The following KIAA1217 variants were observed in gnomAD, a reference collection of about 807,000 sequenced individuals.
KIAA1217 encodes KIAA1217.
In KIAA1217, 88 loss-of-function variants were observed where a neutral mutation model predicts 163.9. That is an observed-to-expected ratio of 0.54 (90% CI 0.45 to 0.64). The LOEUF is 0.64. Among genes scored for constraint, KIAA1217 ranks in the 30% least tolerant of loss-of-function variants. KIAA1217 has a pLI of 0.00. For missense variants in KIAA1217, 2,372 were observed against 2,475.0 expected (o/e 0.96, Z 0.88); for synonymous variants, 903 against 923.1 (o/e 0.98, Z 0.39).
intron 6 of KIAA1217, among the ~76,000 whole-genome samples, chr10:24,477,284 A>G (rs1179287829): frequency 6.6e-6 from 1 of 152,240 alleles, no homozygotes; most frequent in Non-Finnish European, 1.5e-5. Flanking sequence ...TATACATTAT[A>G]TGATGTAATC....
intron 17 of KIAA1217, among the ~76,000 whole-genome samples, chr10:24,537,815 A>G (rs1245529019): frequency 6.6e-6 from 1 of 152,174 alleles, no homozygotes; most frequent in African/African-American, 2.4e-5. Context: ...CAAAAAAAGA[A>G]TCCAGGCTCT....
chr10:24,159,846 A>G (rs551038263), intron 2 of KIAA1217, among the ~76,000 whole-genome samples: 4 of 152,324 alleles, frequency 2.6e-5, no homozygotes, highest in Admixed American at 6.5e-5. Flanking sequence ...TACAGTGTCT[A>G]TGATACATAT....
At chr10:24,265,796 TTAAAA>T (rs761761716) in intron 2 of KIAA1217, among the ~76,000 whole-genome samples, 13 of 152,062 alleles carry the variant, frequency 8.5e-5, no homozygotes, top group Non-Finnish European at 1.5e-4. Flanking sequence ...GAATAAAACA[TTAAAA>T]TAAATAGTTA....
rs553323991 is a variant in KIAA1217, at chr10:23,925,695, G to A, written c.-320-81530G>A. On this transcript the variant is annotated intron_variant, in intron 1 of 18. Transcript: ENST00000376462. ...TGAGGTGCTGCCCTTCTGTGATCAT[G>A]GAGGGAAGAAGTGGAACACGCCCTA... Among the ~76,000 whole-genome samples the A allele has an allele frequency of 7.2e-5, 11 of 152,280 alleles. No individual in the cohort carries two copies. The South Asian group carries it at 1.7e-3, about 23-fold the overall frequency.
At chr10:24,338,140 C>T (rs1285720484) in intron 2 of KIAA1217, among the ~76,000 whole-genome samples, 2 of 152,132 alleles carry the variant, frequency 1.3e-5, no homozygotes, top group Admixed American at 6.5e-5. Context: ...TTTTTGTCAC[C>T]AGAAGTTCTG....
In KIAA1217 at chr10:23,913,030, T is replaced by C. The variant is rs142101878; in HGVS notation, c.-320-94195T>C. On this transcript the variant is annotated intron_variant, in intron 1 of 18. Transcript: ENST00000376462. ...TCTATGTAGCACCCAACACAGCATC[T>C]CTAGCAGGAGGAAAACCATGTTATT... is the stretch of plus-strand genomic sequence containing the variant. Among the ~76,000 whole-genome samples, 924 of 152,296 alleles carry C rather than the reference T, an allele frequency of 6.1e-3. 12 individuals carry two copies. The highest frequency in any genetic ancestry group is 0.02 in the African/African-American group (847 of 41,558).
chr10:23,709,104 G>A (rs928210405), intron 1 of KIAA1217, among the ~76,000 whole-genome samples: 1 of 152,180 alleles, frequency 6.6e-6, no homozygotes, highest in Non-Finnish European at 1.5e-5. Flanking sequence ...CTGTTGCGGT[G>A]TTCATGGCTT....
At chr10:24,370,780 C>T (rs1295584508) in intron 2 of KIAA1217, among the ~76,000 whole-genome samples, 5 of 152,028 alleles carry the variant, frequency 3.3e-5, no homozygotes, top group African/African-American at 4.8e-5. Context: ...AGAGATGGGA[C>T]GTTGCCGAGG....
chr10:23,945,711 A>G (rs1844000319), intron 1 of KIAA1217, among the ~76,000 whole-genome samples: 1 of 152,188 alleles, frequency 6.6e-6, no homozygotes, highest in Non-Finnish European at 1.5e-5. Context: ...ATATAAAATA[A>G]GTGGTGCATT....
intron 2 of KIAA1217, among the ~76,000 whole-genome samples, chr10:24,013,817 G>A (rs913881273): frequency 3.3e-5 from 5 of 152,036 alleles, no homozygotes; most frequent in Non-Finnish European, 5.9e-5. Flanking sequence ...GGGGAGTGCC[G>A]CCATGAGGGG....
intron 1 of KIAA1217, among the ~76,000 whole-genome samples, chr10:23,840,461 ATCTT>A (rs971728522): frequency 4.6e-5 from 7 of 152,004 alleles, no homozygotes; most frequent in African/African-American, 1.7e-4. Context: ...GGCCGATTAT[ATCTT>A]TCTTTCAGTG....
chr10:24,403,767 G>T (rs993668321), intron 3 of KIAA1217, among the ~76,000 whole-genome samples: 1 of 152,170 alleles, frequency 6.6e-6, no homozygotes, highest in African/African-American at 2.4e-5. Flanking sequence ...AACATCATTA[G>T]CCTTTAGAAA....
At chr10:24,286,479 TAC>T (rs1181549790) in intron 2 of KIAA1217, among the ~76,000 whole-genome samples, 1 of 150,964 alleles carries the variant, frequency 6.6e-6, no homozygotes, top group African/African-American at 2.4e-5. Flanking sequence ...CACATACACA[TAC>T]ACACACACAT....
intron 1 of KIAA1217, among the ~76,000 whole-genome samples, chr10:23,767,187 G>A (rs942257478): frequency 6.6e-6 from 1 of 152,206 alleles, no homozygotes; most frequent in Admixed American, 6.5e-5. Flanking sequence ...TACGTATAAA[G>A]TGCATCCTGA....
At chr10:24,054,834 G>A (rs1043317275) in intron 2 of KIAA1217, among the ~76,000 whole-genome samples, 7 of 151,926 alleles carry the variant, frequency 4.6e-5, no homozygotes, top group African/African-American at 9.7e-5. Context: ...GTAACACAAC[G>A]GTAAGTATCT....
chr10:24,127,990 C>T (rs2063525260), intron 2 of KIAA1217, among the ~76,000 whole-genome samples: 2 of 152,156 alleles, frequency 1.3e-5, no homozygotes, highest in Admixed American at 6.5e-5. Flanking sequence ...ATATTCTTCT[C>T]ATACTCAATA....
chr10:23,718,782 T>C (rs1317864253), intron 1 of KIAA1217, among the ~76,000 whole-genome samples: 2 of 150,406 alleles, frequency 1.3e-5, no homozygotes, highest in Admixed American at 6.6e-5. Context: ...TACAAGGTTT[T>C]GGAACATCTA....
At chr10:24,065,564 A>G (rs1284093565) in intron 2 of KIAA1217, among the ~76,000 whole-genome samples, 1 of 152,148 alleles carries the variant, frequency 6.6e-6, no homozygotes, top group African/African-American at 2.4e-5. Flanking sequence ...ACTTCCAACT[A>G]TGTGGTCAAT....
chr10:24,312,955 G>A (rs1477227703), intron 2 of KIAA1217, among the ~76,000 whole-genome samples: 1 of 152,038 alleles, frequency 6.6e-6, no homozygotes, highest in Non-Finnish European at 1.5e-5. Context: ...GGTATTGGAA[G>A]GCCTTAATAC....
Sources: gnomAD v4.1 joint callset for allele counts (sites outside exome capture counted in the v4.1 genomes callset) on GRCh38, gnomAD v4.1.1 for gene constraint, MANE v1.5 for transcripts, NCBI Gene and HGNC (gene_info 2026-07-23, HGNC 2026-07-21) for gene names.